The following MUC17 variants were observed in gnomAD, a reference collection of about 807,000 sequenced individuals.
MUC17 encodes mucin-17.
A neutral mutation model predicts 170.3 loss-of-function variants in MUC17; 190 were observed. The observed-to-expected ratio is 1.12, with a 90% confidence interval of 0.99 to 1.26. MUC17 has a LOEUF of 1.26. MUC17 is among the 50% of genes most tolerant of loss of function. The probability of loss-of-function intolerance (pLI) is 0.00; values close to 1 mark genes in which losing one functional copy is unlikely to be tolerated. For missense variants in MUC17, 6,415 were observed against 5,530.0 expected (o/e 1.16, Z -5.08); for synonymous variants, 2,325 against 2,002.5 (o/e 1.16, Z -4.30).
chr7:101,033,600 T>A lies in MUC17; in HGVS notation c.2184T>A (p.Ser728=). The change falls in exon 3 of 13, where the codon TCT becomes TCA. Residue 728 remains serine, a synonymous_variant. Coordinates refer to ENST00000306151, the MANE Select transcript of MUC17 (RefSeq NM_001040105.2). ...CCACTTCAACTGAAGCCAGTTCCTC[T>A]CCTACAACTGCTGATGGTGCCAGTA... ...PVTTSTEASS[S]PTTADGASMP... is the part of the protein sequence containing the mutation. The A allele has an allele frequency of 6.2e-7, 1 of 1,613,802 alleles. No individual in the cohort carries two copies.
At chr7:101,045,271 C>G (rs1228677722) in intron 3 of MUC17, among the ~76,000 whole-genome samples, 2 of 152,220 alleles carry the variant, frequency 1.3e-5, no homozygotes, top group Non-Finnish European at 2.9e-5. Context: ...CCAATCCCAT[C>G]TTGAATTGAT....
At position 101,042,269 on chromosome 7, in the gene MUC17, C is replaced by T; in HGVS notation, c.10853C>T (p.Thr3618Ile). ...TTSTQSNSTP[T>I]PPEVITLPMS... ...TCTACTCAGAGCAATTCTACTCCTA[C>T]ACCTCCTGAAGTTATCACCCTGCCA... The change falls in exon 3 of 13, where the codon ACA becomes ATA. Residue 3618 changes from threonine (T) to isoleucine (I), a missense_variant. By Grantham distance (89) the Thr-to-Ile change is moderately conservative (BLOSUM62 -1). Transcript: ENST00000306151. 6.2e-7 allele frequency: 1 copy of T among 1,614,050 alleles called. No individual in the cohort carries two copies. Among genetic ancestry groups the T allele is most frequent in the Non-Finnish European group, 8.5e-7 (1 of 1,180,004 alleles).
chr7:101,037,756 G>A lies in MUC17; in HGVS notation c.6340G>A (p.Val2114Met). The change falls in exon 3 of 13, where the codon GTG becomes ATG. Residue 2114 changes from valine to methionine, a missense_variant. Physicochemically the swap from Val to Met is conservative, Grantham distance 21 (BLOSUM62 1). Coordinates refer to ENST00000306151, the MANE Select transcript of MUC17 (RefSeq NM_001040105.2). ...LTSIPLSTTPVASPEASTLST... is the reference protein window; with the variant it reads ...LTSIPLSTTPMASPEASTLST... ...AAGTATACCTCTCAGCACCACGCCG[G>A]TGGCCAGTCCTGAGGCTAGCACCCT... is the stretch of plus-strand genomic sequence containing the variant. The A allele has an allele frequency of 6.2e-7, 1 of 1,613,792 alleles. No individual in the cohort carries two copies. Among genetic ancestry groups the A allele is most frequent in the Non-Finnish European group, 8.5e-7 (1 of 1,179,808 alleles).
In MUC17 at chr7:101,049,246, G is replaced by C. The variant is rs1252932621; in HGVS notation, c.12664-78G>C. The C allele has an allele frequency of 4.4e-6, 7 of 1,592,950 alleles. No homozygotes were observed. In the African/African-American group the frequency reaches 9.4e-5, roughly 21 times the overall value. On this transcript the variant is annotated intron_variant, in intron 5 of 12. Coordinates refer to ENST00000306151, the MANE Select transcript of MUC17 (RefSeq NM_001040105.2). ...ATGCTGCGGGACAGGATCATCCCCT[G>C]GTCCTGTGACCTCCTGATGTCCCAC...
At position 101,036,033 on chromosome 7, in the gene MUC17, T is replaced by G. The variant is rs1794466464; in HGVS notation, c.4617T>G (p.Ala1539=). The change falls in exon 3 of 13, where the codon GCT becomes GCG. Residue 1539 remains alanine (A), a synonymous_variant. Transcript: ENST00000306151. ...TCAACAGCCTTTCAACAACTCCTGCTGTCACCAGCACACCTGTGACCACTT... is the reference window on the plus strand; with the variant it reads ...TCAACAGCCTTTCAACAACTCCTGCGGTCACCAGCACACCTGTGACCACTT... The part of the protein sequence containing the change: ...SEINSLSTTP[A]VTSTPVTTYS... 3 of 1,612,224 alleles carry G rather than the reference T, an allele frequency of 1.9e-6. No individual in the cohort carries two copies. In the African/African-American group the frequency reaches 4.0e-5, roughly 22 times the overall value.
rs768984296 is a variant in MUC17 at position 101,034,153 on chromosome 7, AG to A, written c.2738del (p.Ser913ThrfsTer14). ...GTCTCCTACAACTTCTGAAGGTACC[AG>A]CATGCCAACCTCAACTCCTGGGGAA... ...RSSPTTSEGT[S>X]MPTSTPGEGS... is the part of the protein sequence containing the mutation. On this transcript the variant is annotated frameshift_variant, in exon 3 of 13. Transcript: ENST00000306151. LOFTEE classifies it high-confidence loss of function. 17 of 1,584,722 alleles carry A rather than the reference AG, an allele frequency of 1.1e-5. No individual in the cohort carries two copies. Among genetic ancestry groups the A allele is most frequent in the Non-Finnish European group, 1.5e-5 (17 of 1,164,180 alleles).
At chr7:101,026,229 A>G (rs1432087294) in intron 1 of MUC17, among the ~76,000 whole-genome samples, 1 of 152,156 alleles carries the variant, frequency 6.6e-6, no homozygotes, top group African/African-American at 2.4e-5. Context: ...TTGGCCTCCT[A>G]TATCTGCCTG....
rs768722271 is a variant in MUC17 at position 101,034,244 on chromosome 7, C to A, written c.2828C>A (p.Thr943Lys). The change falls in exon 3 of 13, where the codon ACA becomes AAA. Residue 943 changes from threonine (T) to lysine (K), a missense_variant. By Grantham distance (78) the Thr-to-Lys change is moderately conservative (BLOSUM62 -1). Transcript: ENST00000306151. ...CCGGTAGTCAGTTCTGAGGCTAGAA[C>A]ACTTTCAGCAACTCCTGTTGACACC... Reference protein sequence around the residue: ...TTPVVSSEARTLSATPVDTST... With the variant: ...TTPVVSSEARKLSATPVDTST... 118 of 1,602,106 alleles carry A rather than the reference C, an allele frequency of 7.4e-5. No homozygotes were observed. Among genetic ancestry groups the A allele is most frequent in the Middle Eastern group, 1.7e-4 (1 of 6,046 alleles).
At chr7:101,031,350 A>G (rs1434494443) in intron 2 of MUC17, 129 bp downstream of exon 2, 101 of 1,412,016 alleles carry the variant, frequency 7.2e-5, no homozygotes, top group Non-Finnish European at 8.3e-5. Context: ...TGGGGCCAGG[A>G]ATTACAAGGC....
intron 11 of MUC17, 74 bp downstream of exon 11, chr7:101,053,510 G>A: frequency 3.4e-6 from 4 of 1,193,976 alleles, no homozygotes; most frequent in East Asian, 2.5e-5. Flanking sequence ...GCTCACATCT[G>A]TAATCCCAGC....
chr7:101,047,229 C>T (rs905886938), intron 3 of MUC17, among the ~76,000 whole-genome samples: 4 of 152,066 alleles, frequency 2.6e-5, no homozygotes, highest in Admixed American at 6.6e-5. Flanking sequence ...TTTTCCAAAG[C>T]GGGTGTTGAG....
Position 101,042,246 on chromosome 7 carries a change from T to A in MUC17, c.10830T>A (p.Ser3610=). 6.2e-7 allele frequency: 1 copy of A among 1,614,106 alleles called. No individual in the cohort carries two copies. Among genetic ancestry groups the A allele is most frequent in the Non-Finnish European group, 8.5e-7 (1 of 1,180,024 alleles). The change falls in exon 3 of 13, where the codon TCT becomes TCA. Residue 3610 remains serine, a synonymous_variant. Coordinates refer to ENST00000306151, the MANE Select transcript of MUC17 (RefSeq NM_001040105.2). ...SVDRSTPVTT[S]TQSNSTPTPP... is the part of the protein sequence containing the mutation. ...ACAGAAGCACACCTGTGACCACTTC[T>A]ACTCAGAGCAATTCTACTCCTACAC... is the stretch of plus-strand genomic sequence containing the variant.
At position 101,036,231 on chromosome 7, in the gene MUC17, C is replaced by T. The variant is rs535439393; in HGVS notation, c.4815C>T (p.Thr1605=). Residue 1605 remains threonine (T), a synonymous_variant, in exon 3 of 13, where the codon ACC becomes ACT. Transcript: ENST00000306151. Reference sequence around the variant, plus strand: ...CTATTGACTCCAAAACTCAGGTGACCGCTTCTACTGAAGCCAGTTCATCTA... The same window carrying T: ...CTATTGACTCCAAAACTCAGGTGACTGCTTCTACTGAAGCCAGTTCATCTA... ...TTPIDSKTQV[T]ASTEASSSTT... The T allele has an allele frequency of 1.9e-5, 30 of 1,613,964 alleles. No homozygotes were observed. The highest frequency in any genetic ancestry group is 1.3e-4 in the South Asian group (12 of 91,082).
rs1794292133 is a variant in MUC17 at position 101,031,996 on chromosome 7, G to A, written c.580G>A (p.Ala194Thr). The A allele has an allele frequency of 1.2e-6, 2 of 1,614,146 alleles. No homozygotes were observed. Among genetic ancestry groups the A allele is most frequent in the Non-Finnish European group, 1.7e-6 (2 of 1,180,044 alleles). Residue 194 changes from alanine to threonine, a missense_variant, in exon 3 of 13, where the codon GCA becomes ACA. By Grantham distance (58) the Ala-to-Thr change is moderately conservative. Coordinates refer to ENST00000306151, the MANE Select transcript of MUC17 (RefSeq NM_001040105.2). ...CACACCTCTGACCACTTCTACTCAG[G>A]CAAGTTCATCTCCTACTACTCCTGA... ...MSTPLTTSTQ[A>T]SSSPTTPEST...
Position 101,042,769 on chromosome 7 carries a change from A to G in MUC17, c.11353A>G (p.Met3785Val). Residue 3785 changes from methionine to valine, a missense_variant, in exon 3 of 13, where the codon ATG (methionine) becomes GTG (valine). Transcript: ENST00000306151. ...ACCATCTGTTTACACCAGCATGTCT[A>G]TGACCACTGCCTCTGAAGGCAGTTC... ...SIPSVYTSMS[M>V]TTASEGSSSP... 2 of 1,614,114 alleles carry G rather than the reference A, an allele frequency of 1.2e-6. No homozygotes were observed. The highest frequency in any genetic ancestry group is 2.2e-5 in the East Asian group (1 of 44,884).
chr7:101,034,813 A>C lies in MUC17; in HGVS notation c.3397A>C (p.Thr1133Pro). The change falls in exon 3 of 13, where the codon ACC becomes CCC. Residue 1133 changes from threonine to proline, a missense_variant. Physicochemically the swap from Thr to Pro is conservative, Grantham distance 38. Transcript: ENST00000306151. ...TTPVDTSIPV[T>P]TSTEASSSPT... ...TCCTGTCGACACCAGCATACCTGTC[A>C]CCACTTCTACTGAAGCCAGTTCATC... is the stretch of plus-strand genomic sequence containing the variant. 8 of 1,598,986 alleles carry C rather than the reference A, an allele frequency of 5.0e-6. No individual in the cohort carries two copies. Among genetic ancestry groups the C allele is most frequent in the Non-Finnish European group, 6.8e-6 (8 of 1,173,926 alleles).
In MUC17 at chr7:101,043,683, C is replaced by T. The variant is rs568470729; in HGVS notation, c.12267C>T (p.Val4089=). 76 of 1,614,194 alleles carry T rather than the reference C, an allele frequency of 4.7e-5. 1 individual carries two copies. The South Asian group carries it at 7.7e-4, about 16-fold the overall frequency. Residue 4089 remains valine, a synonymous_variant, in exon 3 of 13, where the codon GTC becomes GTT. Transcript: ENST00000306151. ...CCACGACTGTGAACCCTGAGGCTGT[C>T]ACCACCATGACCACCAGGACAAAAC... ...ASSTTVNPEA[V]TTMTTRTKPS...
rs1476666012 is a variant in MUC17, at chr7:101,032,285, C to T, written c.869C>T (p.Ser290Phe). Residue 290 changes from serine (S) to phenylalanine (F), a missense_variant, in exon 3 of 13, where the codon TCT (serine) becomes TTT (phenylalanine). Transcript: ENST00000306151. ...CTCAGCGTGATGCTGGTGGTCAGTT[C>T]TGAGGCTAGCACCCTTTCAACAACT... ...MPLSVMLVVS[S>F]EASTLSTTPA... The T allele has an allele frequency of 6.2e-7, 1 of 1,613,826 alleles. No individual in the cohort carries two copies. Among genetic ancestry groups the T allele is most frequent in the Non-Finnish European group, 8.5e-7 (1 of 1,179,850 alleles).
Position 101,048,962 on chromosome 7 carries a change from T to G in MUC17, c.12653T>G (p.Phe4218Cys), listed in dbSNP as rs761262707. Residue 4218 changes from phenylalanine (F) to cysteine (C), a missense_variant, in exon 5 of 13, where the codon TTC becomes TGC. Physicochemically the swap from Phe to Cys is radical, Grantham distance 205 (BLOSUM62 -2). Transcript: ENST00000306151. ...GAATTCCAGGAGTTCAAACAGACATTCACGGAACAGGTAAGTCTGGGAGAG... is the reference window on the plus strand; with the variant it reads ...GAATTCCAGGAGTTCAAACAGACATGCACGGAACAGGTAAGTCTGGGAGAG... ...SQEFQEFKQT[F>C]TEQMNIVYSG... is the part of the protein sequence containing the mutation. 6.2e-7 allele frequency: 1 copy of G among 1,614,074 alleles called. No individual in the cohort carries two copies. The highest frequency in any genetic ancestry group is 1.7e-5 in the Admixed American group (1 of 60,024).
Sources: allele counts gnomAD v4.1 joint callset (sites outside exome capture counted in the v4.1 genomes callset), GRCh38; gene constraint gnomAD v4.1.1; transcripts MANE v1.5; gene names NCBI Gene and HGNC (gene_info 2026-07-23, HGNC 2026-07-21).